Variants in PCNX1 observed in about 807,000 individuals in gnomAD.
The protein encoded by PCNX1 is pecanex 1.
In PCNX1, 78 loss-of-function variants were observed where a neutral mutation model predicts 242.2. The observed-to-expected ratio is 0.32, with a 90% CI of 0.27 to 0.39. The LOEUF (loss-of-function observed/expected upper bound fraction) is 0.39. PCNX1 is among the 10% of genes least tolerant of loss of function. The pLI is 1.00. For synonymous variants in PCNX1, 1,024 were observed against 1,032.9 expected (o/e 0.99, Z 0.17); for missense variants, 2,581 against 2,856.5 (o/e 0.90, Z 2.20).
chr14:71,100,871 T>C (rs1281872764), intron 30 of PCNX1, among the ~76,000 whole-genome samples: 3 of 152,180 alleles, frequency 2.0e-5, no homozygotes, highest in Non-Finnish European at 2.9e-5. Context: ...GCCTGGCATT[T>C]ACTAACTTCC....
Position 70,995,820 on chromosome 14 carries a change from C to G in PCNX1, c.2524C>G (p.Leu842Val). The G allele has an allele frequency of 6.2e-7, 1 of 1,613,844 alleles. No individual in the cohort carries two copies. Among genetic ancestry groups the G allele is most frequent in the Non-Finnish European group, 8.5e-7 (1 of 1,179,764 alleles). The change falls in exon 8 of 36, where the codon CTC becomes GTC. Residue 842 changes from leucine to valine, a missense_variant. By Grantham distance (32) the Leu-to-Val change is conservative. Coordinates refer to ENST00000304743, the MANE Select transcript of PCNX1 (RefSeq NM_014982.3). ...QSRPPSQAAV[L>V]SASASLLVRN... ...CCGCCCCCCTTCCCAGGCTGCAGTG[C>G]TCAGTGCTAGTGCCTCCTTGCTGGT...
intron 26 of PCNX1, among the ~76,000 whole-genome samples, chr14:71,062,698 A>T (rs1319289225): frequency 6.6e-6 from 1 of 152,058 alleles, no homozygotes; most frequent in African/African-American, 2.4e-5. Flanking sequence ...AATTTCATGT[A>T]GCCTAAGGTA....
At chr14:71,066,550 GCAAA>G (rs1226119893) in intron 26 of PCNX1, among the ~76,000 whole-genome samples, 4 of 152,198 alleles carry the variant, frequency 2.6e-5, no homozygotes, top group South Asian at 4.1e-4. Flanking sequence ...CATGTCATCT[GCAAA>G]CAGAGACAAT....
rs763113580 is a variant in PCNX1 at position 70,976,918 on chromosome 14, T to C, written c.605-24T>C. 3.1e-6 allele frequency: 5 copies of C among 1,593,058 alleles called. No homozygotes were observed. In the Admixed American group the frequency reaches 8.6e-5, roughly 28 times the overall value. ...AGCAGATCATACATTTATTTTAACA[T>C]TTCAAAATATGTGTTTGAAACAGAT... On this transcript the variant is annotated intron_variant, in intron 5 of 35. Transcript: ENST00000304743.
At chr14:70,944,645 G>T (rs980886916) in intron 1 of PCNX1, among the ~76,000 whole-genome samples, 8 of 152,186 alleles carry the variant, frequency 5.3e-5, no homozygotes, top group African/African-American at 1.9e-4. Context: ...TTTGAAATGT[G>T]AGGATGAGAG....
intron 8 of PCNX1, among the ~76,000 whole-genome samples, chr14:71,006,750 G>A (rs2140478020): frequency 6.6e-6 from 1 of 152,194 alleles, no homozygotes; most frequent in South Asian, 2.1e-4. Flanking sequence ...TTTCTGGTTG[G>A]TTATTTTTTA....
chr14:71,062,103 T>A (rs1222532618), intron 26 of PCNX1, among the ~76,000 whole-genome samples: 3 of 152,074 alleles, frequency 2.0e-5, no homozygotes, highest in Non-Finnish European at 4.4e-5. Context: ...AACAAGCAAA[T>A]CTATGATGAA....
chr14:70,944,853 C>T (rs570720040), intron 1 of PCNX1, among the ~76,000 whole-genome samples: 158 of 152,284 alleles, frequency 1.0e-3, no homozygotes, highest in African/African-American at 3.4e-3. Context: ...GGGGCTTCCC[C>T]GTTCGCTTGG....
At chr14:70,942,529 G>A (rs2140266355) in intron 1 of PCNX1, among the ~76,000 whole-genome samples, 1 of 152,284 alleles carries the variant, frequency 6.6e-6, no homozygotes, top group Non-Finnish European at 1.5e-5. Flanking sequence ...TCTGCAGCAG[G>A]TGCTTCAGCA....
chr14:71,036,030 T>A (rs895636483), intron 18 of PCNX1, 35 bp from the exon 19 acceptor site: 2 of 1,355,074 alleles, frequency 1.5e-6, no homozygotes, highest in African/African-American at 2.9e-5. Flanking sequence ...AAAAATTTTA[T>A]GTAATTGTTT....
chr14:71,041,036 G>A (rs1171222104), intron 19 of PCNX1, among the ~76,000 whole-genome samples: 1 of 152,090 alleles, frequency 6.6e-6, no homozygotes, highest in African/African-American at 2.4e-5. Flanking sequence ...GTACTCTATT[G>A]TGTATATGTA....
chr14:71,111,388 TA>T lies in PCNX1; in HGVS notation c.*1456del, dbSNP rs2062751546. The T allele has an allele frequency of 6.6e-6, 1 of 152,610 alleles. No homozygotes were observed. The highest frequency in any genetic ancestry group is 1.5e-5 in the Non-Finnish European group (1 of 68,006). 9.5% of individuals were successfully genotyped at this position (152,610 alleles called of 1,614,324 possible). A position where few individuals can be genotyped will look rare whatever the true frequency, so the allele number is the denominator to read the frequency against. ...CAGCCATCTTTCTACCCCTTGTGAATAAATCATTGAAAGAAACAGGTAAAAT... is the reference window on the plus strand; with the variant it reads ...CAGCCATCTTTCTACCCCTTGTGAATAATCATTGAAAGAAACAGGTAAAAT... On this transcript the variant is annotated 3_prime_UTR_variant, in exon 36 of 36. Transcript: ENST00000304743.
In PCNX1 at chr14:71,114,952, G is replaced by GGGGC; in HGVS notation, c.*5020_*5021insCGGG. 7.3e-6 allele frequency: 1 copy of GGGGC among 136,544 alleles called. No homozygotes were observed. Among genetic ancestry groups the GGGGC allele is most frequent in the South Asian group, 2.9e-4 (1 of 3,452 alleles). The allele number at this position is 136,544 out of a possible 1,614,324, so 8.5% of individuals were successfully genotyped here. ...ACCAAAATAATAGAAATGGGGGGGG[G>GGGGC]GGGGGGAATCATGTCTGCTTATGCT... On this transcript the variant is annotated 3_prime_UTR_variant, in exon 36 of 36. Coordinates refer to ENST00000304743, the MANE Select transcript of PCNX1 (RefSeq NM_014982.3).
chr14:70,986,102 C>G (rs910614889), intron 6 of PCNX1, among the ~76,000 whole-genome samples: 6 of 152,172 alleles, frequency 3.9e-5, no homozygotes, highest in African/African-American at 1.4e-4. Context: ...GACCCCTACT[C>G]GACTATTCCA....
chr14:70,936,448 A>G (rs2140207555), intron 1 of PCNX1, among the ~76,000 whole-genome samples: 1 of 152,300 alleles, frequency 6.6e-6, no homozygotes. Flanking sequence ...TGTCCCTACA[A>G]AGGACATGAA....
intron 16 of PCNX1, among the ~76,000 whole-genome samples, chr14:71,032,221 C>T (rs2060408270): frequency 6.6e-6 from 1 of 152,216 alleles, no homozygotes; most frequent in South Asian, 2.1e-4. Flanking sequence ...TTTATTATCA[C>T]TGTGTAAATG....
At chr14:71,036,509 T>C (rs1361464418) in intron 19 of PCNX1, among the ~76,000 whole-genome samples, 1 of 152,186 alleles carries the variant, frequency 6.6e-6, no homozygotes, top group Non-Finnish European at 1.5e-5. Flanking sequence ...GTATTTGCCA[T>C]TGTGTTACAG....
intron 8 of PCNX1, among the ~76,000 whole-genome samples, chr14:71,000,808 G>A (rs557755341): frequency 6.6e-6 from 1 of 152,310 alleles, no homozygotes; most frequent in East Asian, 1.9e-4. Context: ...TTATAGGCAT[G>A]AGCCACCATG....
chr14:70,960,196 T>A, intron 2 of PCNX1, among the ~76,000 whole-genome samples: 1 of 129,336 alleles, frequency 7.7e-6, no homozygotes. Flanking sequence ...TTCACTCTGA[T>A]GGTAGTTTCT....
Sources: allele counts gnomAD v4.1 joint callset (sites outside exome capture counted in the v4.1 genomes callset), GRCh38; gene constraint gnomAD v4.1.1; transcripts MANE v1.5; gene names NCBI Gene and HGNC (gene_info 2026-07-23, HGNC 2026-07-21).